SPIDR: variants seen among roughly 807,000 people sequenced by gnomAD.
SPIDR encodes the protein scaffold protein involved in DNA repair, also known as DNA repair-scaffolding protein.
A neutral mutation model predicts 104.6 loss-of-function variants in SPIDR; 93 were observed. The ratio of observed to expected loss-of-function variants is 0.89; its 90% confidence interval spans 0.75 to 1.06. The LOEUF is 1.06. SPIDR is among the 50% of genes least tolerant of loss of function. The pLI, the probability that SPIDR is intolerant of heterozygous loss-of-function variation, is 0.00. For synonymous variants in SPIDR, 431 were observed against 416.9 expected (o/e 1.03, Z -0.41); for missense variants, 1,154 against 1,111.2 (o/e 1.04, Z -0.55).
chr8:47,364,197 G>A (rs375594613), intron 5 of SPIDR, among the ~76,000 whole-genome samples: 2 of 152,314 alleles, frequency 1.3e-5, no homozygotes, highest in East Asian at 3.9e-4. Flanking sequence ...ATTTAATCCT[G>A]TATAGGCTTG....
chr8:47,564,418 G>A (rs754111696), intron 8 of SPIDR, among the ~76,000 whole-genome samples: 30 of 151,796 alleles, frequency 2.0e-4, no homozygotes, highest in Non-Finnish European at 3.4e-4. Flanking sequence ...GGTGGCTCAC[G>A]CCTGTAATCC....
chr8:47,416,306 T>C (rs2064273914), intron 7 of SPIDR, among the ~76,000 whole-genome samples: 1 of 152,192 alleles, frequency 6.6e-6, no homozygotes, highest in South Asian at 2.1e-4. Context: ...ATTGAGATTT[T>C]TCACTTAGTT....
At chr8:47,272,744 A>C (rs1367824030) in intron 1 of SPIDR, among the ~76,000 whole-genome samples, 1 of 152,154 alleles carries the variant, frequency 6.6e-6, no homozygotes, top group Non-Finnish European at 1.5e-5. Flanking sequence ...TCTCACGATT[A>C]GGAGAAATTA....
chr8:47,406,056 CT>C (rs1466079154), intron 6 of SPIDR, among the ~76,000 whole-genome samples: 1 of 148,358 alleles, frequency 6.7e-6, no homozygotes, highest in Non-Finnish European at 1.5e-5. Context: ...CTAGGCTTGA[CT>C]TTAACCAGAT....
intron 10 of SPIDR, among the ~76,000 whole-genome samples, chr8:47,624,558 A>G (rs1036014044): frequency 3.9e-5 from 6 of 152,354 alleles, no homozygotes; most frequent in African/African-American, 1.4e-4. Context: ...AGGGGATATC[A>G]CCACCGATCC....
intron 5 of SPIDR, among the ~76,000 whole-genome samples, chr8:47,373,531 G>A (rs1457573757): frequency 6.6e-6 from 1 of 151,526 alleles, no homozygotes; most frequent in Non-Finnish European, 1.5e-5. Flanking sequence ...TATACTTTAA[G>A]TTCTGGGGTA....
At chr8:47,735,112 G>A (rs1489535524) in intron 19 of SPIDR, among the ~76,000 whole-genome samples, 195 bp from the exon 20 acceptor site, 1 of 76,442 alleles carries the variant, frequency 1.3e-5, no homozygotes, top group East Asian at 2.5e-4. Flanking sequence ...GTGTGTGTGG[G>A]TGTGTGTGTG....
At chr8:47,365,637 C>T (rs2057054902) in intron 5 of SPIDR, among the ~76,000 whole-genome samples, 1 of 152,080 alleles carries the variant, frequency 6.6e-6, no homozygotes, top group African/African-American at 2.4e-5. Flanking sequence ...GACCTTTTTC[C>T]TAGAATTTTT....
rs147661643 is a variant in SPIDR, at chr8:47,309,201, G to A, written c.525+15171G>A. 4.3e-4 allele frequency among the ~76,000 whole-genome samples: 65 copies of A among 152,262 alleles called. No homozygotes were observed. In the East Asian group the frequency reaches 0.011, roughly 26 times the overall value. Reference sequence around the variant, plus strand: ...TAGTGCTTGTAAAGGGAAATCTGGAGTTCTTAGTCAAGCTTTTTGTATGAT... The same window carrying A: ...TAGTGCTTGTAAAGGGAAATCTGGAATTCTTAGTCAAGCTTTTTGTATGAT... On this transcript the variant is annotated intron_variant, in intron 5 of 19. Coordinates refer to ENST00000297423, the MANE Select transcript of SPIDR (RefSeq NM_001080394.4).
chr8:47,363,956 C>T (rs527529006), intron 5 of SPIDR, among the ~76,000 whole-genome samples: 3 of 151,614 alleles, frequency 2.0e-5, no homozygotes, highest in South Asian at 2.1e-4. Flanking sequence ...CATGAAGGAA[C>T]GTGGTAGATA....
At chr8:47,409,485 G>A (rs1441694838) in intron 7 of SPIDR, among the ~76,000 whole-genome samples, 1 of 152,076 alleles carries the variant, frequency 6.6e-6, no homozygotes, top group Non-Finnish European at 1.5e-5. Context: ...GGTAGGTGTG[G>A]GCCCAGTCAT....
rs925646160 is a variant in SPIDR, at chr8:47,639,872, C to T, written c.1545-33929C>T. ...CCGAGGCAGGAGAATCGCTTGAACC[C>T]GGAGGCAGAGGTTGTAGTAAGCCGA... On this transcript the variant is annotated intron_variant, in intron 10 of 19. Transcript: ENST00000297423. Among the ~76,000 whole-genome samples the T allele has an allele frequency of 4.0e-5, 6 of 151,740 alleles. No homozygotes were observed. The South Asian group carries it at 8.3e-4, about 21-fold the overall frequency.
At chr8:47,381,248 A>G (rs1019543087) in intron 5 of SPIDR, among the ~76,000 whole-genome samples, 8 of 152,246 alleles carry the variant, frequency 5.3e-5, no homozygotes, top group African/African-American at 1.9e-4. Flanking sequence ...TTACATGAAT[A>G]AATTTCATTT....
At chr8:47,298,772 G>A (rs1350087276) in intron 5 of SPIDR, among the ~76,000 whole-genome samples, 7 of 152,176 alleles carry the variant, frequency 4.6e-5, no homozygotes, top group East Asian at 1.9e-4. Context: ...GTAGATATGC[G>A]GCATTATTTC....
At chr8:47,296,618 A>G (rs1586512523) in intron 5 of SPIDR, among the ~76,000 whole-genome samples, 1 of 152,058 alleles carries the variant, frequency 6.6e-6, no homozygotes, top group African/African-American at 2.4e-5. Flanking sequence ...TTGATTGGTT[A>G]GTTGGTCGGT....
At chr8:47,366,280 A>G (rs2154292401) in intron 5 of SPIDR, among the ~76,000 whole-genome samples, 1 of 152,216 alleles carries the variant, frequency 6.6e-6, no homozygotes, top group South Asian at 2.1e-4. Flanking sequence ...GGTTTGGAGT[A>G]TGACTTTGGG....
At chr8:47,659,354 A>G (rs1449314981) in intron 10 of SPIDR, among the ~76,000 whole-genome samples, 2 of 152,230 alleles carry the variant, frequency 1.3e-5, no homozygotes, top group African/African-American at 4.8e-5. Flanking sequence ...TTGATATTTA[A>G]AAGTTTACAT....
chr8:47,384,936 A>G (rs1419723723), intron 5 of SPIDR, among the ~76,000 whole-genome samples: 1 of 152,164 alleles, frequency 6.6e-6, no homozygotes, highest in South Asian at 2.1e-4. Context: ...TACCCATGAG[A>G]TCACTTCTTG....
intron 7 of SPIDR, among the ~76,000 whole-genome samples, chr8:47,410,623 T>A (rs2154325957): frequency 6.6e-6 from 1 of 151,918 alleles, no homozygotes; most frequent in East Asian, 1.9e-4. Context: ...CAGGCAAACA[T>A]AAAGTTTGCC....
Sources: gnomAD v4.1 joint callset for allele counts (sites outside exome capture counted in the v4.1 genomes callset) on GRCh38, gnomAD v4.1.1 for gene constraint, MANE v1.5 for transcripts, NCBI Gene and HGNC (gene_info 2026-07-23, HGNC 2026-07-21) for gene names.